CTTNBP2: variants seen among roughly 807,000 people sequenced by gnomAD.
CTTNBP2 encodes the protein cortactin-binding protein 2.
In CTTNBP2, 108 loss-of-function variants were observed where a neutral mutation model predicts 156.9. The observed-to-expected ratio is 0.69, with a 90% CI of 0.59 to 0.81. CTTNBP2 has a LOEUF of 0.81. CTTNBP2 is among the 30% of genes least tolerant of loss of function. CTTNBP2 has a pLI of 0.00. For synonymous variants in CTTNBP2, 767 were observed against 751.8 expected, an observed-to-expected ratio of 1.02 and a Z score of -0.33; for missense variants, 1,924 against 2,035.4, an observed-to-expected ratio of 0.95 and a Z score of 1.05.
chr7:117,753,319 C>G (rs1317371347), intron 12 of CTTNBP2, among the ~76,000 whole-genome samples: 1 of 152,128 alleles, frequency 6.6e-6, no homozygotes, highest in Non-Finnish European at 1.5e-5. Flanking sequence ...GTAAATTAAT[C>G]CAACCACTGT....
intron 2 of CTTNBP2, among the ~76,000 whole-genome samples, chr7:117,850,907 T>C (rs1320944836): frequency 6.6e-6 from 1 of 152,208 alleles, no homozygotes; most frequent in Non-Finnish European, 1.5e-5. Flanking sequence ...ATATGATAAA[T>C]ATACACTGAG....
At chr7:117,740,732 G>A (rs528149494) in intron 14 of CTTNBP2, among the ~76,000 whole-genome samples, 1 of 152,286 alleles carries the variant, frequency 6.6e-6, no homozygotes, top group Admixed American at 6.5e-5. Context: ...CCTCTTGACT[G>A]AAGGATCATT....
At chr7:117,794,911 G>C (rs540444421) in intron 3 of CTTNBP2, among the ~76,000 whole-genome samples, 1 of 116,594 alleles carries the variant, frequency 8.6e-6, no homozygotes, top group Non-Finnish European at 1.6e-5. Context: ...TTTTTGAGAC[G>C]GAGTCTCGCT....
chr7:117,809,995 A>G (rs1308853001), intron 3 of CTTNBP2, among the ~76,000 whole-genome samples: 2 of 152,240 alleles, frequency 1.3e-5, no homozygotes, highest in Non-Finnish European at 2.9e-5. Context: ...TTGGCAGCAT[A>G]TTAGAAGGGC....
intron 1 of CTTNBP2, among the ~76,000 whole-genome samples, chr7:117,864,681 T>TATATTCATATATATTC (rs1804002675): frequency 9.2e-6 from 1 of 108,938 alleles, no homozygotes; most frequent in Non-Finnish European, 2.1e-5. Context: ...CATATATTTA[T>TATATTCATATATATTC]ATATATTCAT....
intron 1 of CTTNBP2, among the ~76,000 whole-genome samples, chr7:117,866,909 G>C (rs1349622963): frequency 4.6e-5 from 7 of 152,128 alleles, no homozygotes; most frequent in Non-Finnish European, 4.4e-5. Context: ...AATGCATTTA[G>C]AACTTTCTAT....
chr7:117,791,278 G>C lies in CTTNBP2; in HGVS notation c.1918C>G (p.Pro640Ala), dbSNP rs1224391264. 3 of 1,614,042 alleles carry C rather than the reference G, an allele frequency of 1.9e-6. No individual in the cohort carries two copies. In the African/African-American group the frequency reaches 4.0e-5, roughly 22 times the overall value. ...TGGTTCAGTCCGGGGGTTGCAGCAG[G>C]CCAGGCACCCACCTGAGACGTGGCC... Reference protein sequence around the residue: ...ALATSQVGAWPAATPGLNQPA... With the variant: ...ALATSQVGAWAAATPGLNQPA... Residue 640 changes from proline to alanine, a missense_variant, in exon 4 of 23, where the codon CCT becomes GCT. Coordinates refer to ENST00000160373, the MANE Select transcript of CTTNBP2 (RefSeq NM_033427.3).
intron 9 of CTTNBP2, among the ~76,000 whole-genome samples, chr7:117,765,355 T>A (rs1463962706): frequency 6.6e-6 from 1 of 152,226 alleles, no homozygotes; most frequent in Admixed American, 6.5e-5. Flanking sequence ...AGAATTGGAA[T>A]CTTAGAAAGA....
intron 16 of CTTNBP2, among the ~76,000 whole-genome samples, chr7:117,731,922 A>G (rs1051333201): frequency 6.6e-6 from 1 of 152,216 alleles, no homozygotes; most frequent in Non-Finnish European, 1.5e-5. Flanking sequence ...TGAATTCTGG[A>G]AGAAAACATT....
chr7:117,788,287 T>A (rs915205055), intron 4 of CTTNBP2, among the ~76,000 whole-genome samples: 6 of 152,206 alleles, frequency 3.9e-5, no homozygotes, highest in South Asian at 2.1e-4. Context: ...CTTTTGTTTT[T>A]AAATGAAAAA....
intron 2 of CTTNBP2, among the ~76,000 whole-genome samples, chr7:117,824,869 T>C (rs1801186197): frequency 6.6e-6 from 1 of 152,250 alleles, no homozygotes; most frequent in Non-Finnish European, 1.5e-5. Context: ...TTTTGTCAAA[T>C]GTAAGTTGTT....
Position 117,780,576 on chromosome 7 carries a change from T to A in CTTNBP2, c.2388A>T (p.Leu796Phe). 6.3e-7 allele frequency: 1 copy of A among 1,586,846 alleles called. No homozygotes were observed. The highest frequency in any genetic ancestry group is 1.7e-4 in the Middle Eastern group (1 of 5,976). ...GATTAATGTTAGCATCATATGAAAT[T>A]AATAATTCTACACACCTAAACACAA... ...AQGHFECVEL[L>F]ISYDANINHA... is the part of the protein sequence containing the mutation. Residue 796 changes from leucine to phenylalanine, a missense_variant, in exon 7 of 23, where the codon TTA (leucine) becomes TTT (phenylalanine). Leu to Phe is a conservative substitution (Grantham distance 22). Transcript: ENST00000160373.
At chr7:117,872,768 A>AGC (rs1182421078) in intron 1 of CTTNBP2, among the ~76,000 whole-genome samples, 1 of 152,102 alleles carries the variant, frequency 6.6e-6, no homozygotes, top group Non-Finnish European at 1.5e-5. Flanking sequence ...CAGCGGCAGC[A>AGC]GCGCCCACAT....
intron 2 of CTTNBP2, among the ~76,000 whole-genome samples, chr7:117,824,905 T>C (rs550831451): frequency 5.9e-5 from 9 of 152,376 alleles, no homozygotes; most frequent in African/African-American, 1.7e-4. Context: ...TGTTACGTTA[T>C]CTTCCTTGTT....
chr7:117,752,515 T>C lies in CTTNBP2; in HGVS notation c.3348+4040A>G, dbSNP rs1225230497. 3.3e-5 allele frequency among the ~76,000 whole-genome samples: 5 copies of C among 152,228 alleles called. No homozygotes were observed. The East Asian group carries it at 5.8e-4, about 18-fold the overall frequency. On this transcript the variant is annotated intron_variant, in intron 12 of 22. Coordinates refer to ENST00000160373, the MANE Select transcript of CTTNBP2 (RefSeq NM_033427.3). ...AGGGTGGAGATTTAAAATGTACTTG[T>C]ATTATTTTTAACAATAAAAGTATTT...
At chr7:117,766,316 C>A (rs1468914950) in intron 9 of CTTNBP2, among the ~76,000 whole-genome samples, 1 of 152,160 alleles carries the variant, frequency 6.6e-6, no homozygotes, top group Non-Finnish European at 1.5e-5. Context: ...TTCTATTATT[C>A]TCTTTTATAT....
At chr7:117,763,125 A>T (rs1041501794) in intron 9 of CTTNBP2, among the ~76,000 whole-genome samples, 1 of 152,104 alleles carries the variant, frequency 6.6e-6, no homozygotes, top group East Asian at 1.9e-4. Context: ...CAAAAAATAA[A>T]TTTTTCTTAT....
At chr7:117,764,653 T>C (rs532361859) in intron 9 of CTTNBP2, among the ~76,000 whole-genome samples, 1 of 152,348 alleles carries the variant, frequency 6.6e-6, no homozygotes, top group African/African-American at 2.4e-5. Context: ...AGGTGATTTA[T>C]ATAGATAAAA....
At chr7:117,753,771 T>C (rs2116608496) in intron 12 of CTTNBP2, among the ~76,000 whole-genome samples, 2 of 151,742 alleles carry the variant, frequency 1.3e-5, no homozygotes, top group Non-Finnish European at 2.9e-5. Flanking sequence ...CAGTGGGGGC[T>C]GGCGGGAGGG....
Sources: allele counts gnomAD v4.1 joint callset (sites outside exome capture counted in the v4.1 genomes callset), GRCh38; gene constraint gnomAD v4.1.1; transcripts MANE v1.5; gene names NCBI Gene and HGNC (gene_info 2026-07-23, HGNC 2026-07-21).